COL11A1: variants seen among roughly 807,000 people sequenced by gnomAD.
The protein encoded by COL11A1 is collagen type XI alpha 1 chain.
COL11A1 carries 74 observed loss-of-function variants against 265.2 expected under a neutral mutation model. The observed-to-expected ratio is 0.28, with a 90% confidence interval of 0.23 to 0.34. The LOEUF is 0.34. Ranked by LOEUF, COL11A1 falls within the 10% of genes least tolerant of loss-of-function variation. The pLI is 1.00. For missense variants in COL11A1, 2,165 were observed against 2,263.6 expected (o/e 0.96, Z 0.88); for synonymous variants, 816 against 727.6 (o/e 1.12, Z -1.96).
intron 46 of COL11A1, among the ~76,000 whole-genome samples, chr1:102,933,583 G>A (rs573276891): frequency 6.6e-6 from 1 of 152,302 alleles, no homozygotes; most frequent in African/African-American, 2.4e-5. Context: ...GCCTACAGAG[G>A]CAGGCAGGCC....
chr1:103,034,003 C>T lies in COL11A1; in HGVS notation c.652-2759G>A, dbSNP rs12076301. ...TTAGATGAAGTCTTTCCCCCTACCC[C>T]CCAGAACTATGAATATGTTACCCTA... On this transcript the variant is annotated intron_variant, in intron 4 of 66. Transcript: ENST00000370096. Among the ~76,000 whole-genome samples the T allele has an allele frequency of 2.0e-3, 309 of 152,146 alleles. 3 individuals are homozygous for T. The highest frequency in any genetic ancestry group is 7.1e-3 in the African/African-American group (295 of 41,536).
intron 4 of COL11A1, among the ~76,000 whole-genome samples, chr1:103,033,026 C>T (rs186641782): frequency 6.6e-6 from 1 of 152,224 alleles, no homozygotes; most frequent in Admixed American, 6.6e-5. Flanking sequence ...GGCAGTCACT[C>T]TCTATCCTTC....
At chr1:103,092,951 A>C (rs1012104236) in intron 1 of COL11A1, among the ~76,000 whole-genome samples, 1 of 152,036 alleles carries the variant, frequency 6.6e-6, no homozygotes, top group African/African-American at 2.4e-5. Context: ...TGAGTCCAGC[A>C]TAAGGATCAT....
intron 4 of COL11A1, among the ~76,000 whole-genome samples, chr1:103,069,146 AC>A (rs1479214492): frequency 6.6e-6 from 1 of 151,776 alleles, no homozygotes; most frequent in Non-Finnish European, 1.5e-5. Flanking sequence ...AGGAGTATTT[AC>A]CCACATGATT....
chr1:102,914,412 T>C lies in COL11A1; in HGVS notation c.3925-7A>G. 7 of 1,603,180 alleles carry C rather than the reference T, an allele frequency of 4.4e-6. No homozygotes were observed. The highest frequency in any genetic ancestry group is 6.0e-6 in the Non-Finnish European group (7 of 1,173,618). On this transcript the variant is annotated splice_polypyrimidine_tract_variant and splice_region_variant and intron_variant, in intron 51 of 66. Transcript: ENST00000370096. ...CAGGAAAACCAACAGGACCCTAGAATGACGTTTTGAAAGAAAAAGAAATAA... is the reference window on the plus strand; with the variant it reads ...CAGGAAAACCAACAGGACCCTAGAACGACGTTTTGAAAGAAAAAGAAATAA...
At chr1:103,018,755 T>G in intron 10 of COL11A1, 63 bp downstream of exon 10, 1 of 1,234,678 alleles carries the variant, frequency 8.1e-7, no homozygotes, top group Non-Finnish European at 1.2e-6. Flanking sequence ...ATTCAGTAAT[T>G]AATAGAAATC....
rs1460230830 is a variant in COL11A1 at position 102,879,849 on chromosome 1, G to C, written c.5108C>G (p.Thr1703Ser). 1 of 1,613,926 alleles carries C rather than the reference G, an allele frequency of 6.2e-7. No individual in the cohort carries two copies. Among genetic ancestry groups the C allele is most frequent in the East Asian group, 2.2e-5 (1 of 44,862 alleles). The change falls in exon 66 of 67, where the codon ACT (threonine) becomes AGT (serine). Residue 1703 changes from threonine to serine, a missense_variant. Physicochemically the swap from Thr to Ser is moderately conservative, Grantham distance 58. Transcript: ENST00000370096. The stretch of plus-strand genomic sequence containing the variant: ...GGTGAAATTTTGCCGAGCAGAGGCA[G>C]TCAGAAGTTTCAGGAATGTCATTTG... ...MVQMTFLKLL[T>S]ASARQNFTYH...
chr1:103,099,379 A>G (rs1029196215), intron 1 of COL11A1, among the ~76,000 whole-genome samples: 1 of 151,092 alleles, frequency 6.6e-6, no homozygotes, highest in Non-Finnish European at 1.5e-5. Context: ...TCTAACTTGA[A>G]GAATGAGTTT....
chr1:103,049,559 C>A (rs992052517), intron 4 of COL11A1, among the ~76,000 whole-genome samples: 5 of 152,146 alleles, frequency 3.3e-5, no homozygotes, highest in African/African-American at 4.8e-5. Flanking sequence ...ATCCAATTTG[C>A]CAGTCTGTGT....
At chr1:103,058,444 A>T (rs1208557535) in intron 4 of COL11A1, among the ~76,000 whole-genome samples, 2 of 152,172 alleles carry the variant, frequency 1.3e-5, no homozygotes, top group East Asian at 3.9e-4. Flanking sequence ...TTTCTTTAAA[A>T]ATATTTTCCT....
intron 1 of COL11A1, among the ~76,000 whole-genome samples, chr1:103,099,517 T>A (rs1303637598): frequency 1.3e-5 from 2 of 150,716 alleles, no homozygotes. Context: ...TAATAGCTAA[T>A]AAGCAAAGTC....
chr1:103,048,239 T>G (rs975890604), intron 4 of COL11A1, among the ~76,000 whole-genome samples: 2 of 152,144 alleles, frequency 1.3e-5, no homozygotes, highest in Non-Finnish European at 2.9e-5. Context: ...GTCCTGGACT[T>G]TTTTTGGTTG....
intron 9 of COL11A1, among the ~76,000 whole-genome samples, chr1:103,019,172 T>C (rs559366093): frequency 2.0e-5 from 3 of 152,298 alleles, no homozygotes; most frequent in Admixed American, 6.5e-5. Flanking sequence ...CCAAGGTTTT[T>C]TATTTTTTGT....
chr1:102,929,052 T>C (rs1401880723), intron 46 of COL11A1, among the ~76,000 whole-genome samples: 2 of 145,606 alleles, frequency 1.4e-5, no homozygotes, highest in East Asian at 4.0e-4. Flanking sequence ...GCCTGTTCAC[T>C]CTGACGGTAG....
intron 41 of COL11A1, among the ~76,000 whole-genome samples, chr1:102,959,551 TC>T (rs1660692797): frequency 6.6e-6 from 1 of 152,184 alleles, no homozygotes; most frequent in Non-Finnish European, 1.5e-5. Context: ...AGGCATTTAA[TC>T]ACCAACCAAC....
Position 102,965,549 on chromosome 1 carries a change from G to C in COL11A1, c.2863-9C>G. On this transcript the variant is annotated splice_polypyrimidine_tract_variant and intron_variant, in intron 37 of 66. Transcript: ENST00000370096. ...GTCTTGCCTTGAAATCCCTAAGGAGGCAAAGTATTATTTGTAAAAGCTACA... is the reference window on the plus strand; with the variant it reads ...GTCTTGCCTTGAAATCCCTAAGGAGCCAAAGTATTATTTGTAAAAGCTACA... 6.2e-7 allele frequency: 1 copy of C among 1,612,448 alleles called. No homozygotes were observed. The highest frequency in any genetic ancestry group is 8.5e-7 in the Non-Finnish European group (1 of 1,178,692).
chr1:103,051,409 C>T lies in COL11A1; in HGVS notation c.652-20165G>A, dbSNP rs548526708. 1.3e-3 allele frequency among the ~76,000 whole-genome samples: 203 copies of T among 152,284 alleles called. 1 individual carries two copies. The highest frequency in any genetic ancestry group is 4.6e-3 in the African/African-American group (190 of 41,564). On this transcript the variant is annotated intron_variant, in intron 4 of 66. Coordinates refer to ENST00000370096, the MANE Select transcript of COL11A1 (RefSeq NM_001854.4). ...CACGTAGGACCCTCTGAGCCATGTGCGGGATATAATCTCCTGGTGTGCCAT... is the reference window on the plus strand; with the variant it reads ...CACGTAGGACCCTCTGAGCCATGTGTGGGATATAATCTCCTGGTGTGCCAT...
Position 102,961,939 on chromosome 1 carries a change from T to C in COL11A1, c.3115-20A>G, listed in dbSNP as rs1553218201. On this transcript the variant is annotated intron_variant, in intron 40 of 66. Transcript: ENST00000370096. ...TGCACCCTGGGAAAAGTGAAAAAAA[T>C]AAAGAAAATGAATCCATATGAATTG... 1.2e-6 allele frequency: 2 copies of C among 1,608,492 alleles called. No homozygotes were observed. The highest frequency in any genetic ancestry group is 3.4e-5 in the Admixed American group (2 of 59,466).
Position 103,022,760 on chromosome 1 carries a change from A to C in COL11A1, c.1227T>G (p.Thr409=). ...AACTTACGCTTGTTTCTGTAATATC[A>C]GTTTCTGCTGGTACACCTGGACCAA... The part of the protein sequence containing the change: ...EEFGPGVPAE[T]DITETSINGH... Residue 409 remains threonine (T), a synonymous_variant, in exon 8 of 67, where the codon ACT becomes ACG. Coordinates refer to ENST00000370096, the MANE Select transcript of COL11A1 (RefSeq NM_001854.4). The C allele has an allele frequency of 6.2e-7, 1 of 1,613,650 alleles. No individual in the cohort carries two copies. Among genetic ancestry groups the C allele is most frequent in the Non-Finnish European group, 8.5e-7 (1 of 1,179,952 alleles).
Sources: gnomAD v4.1 joint callset for allele counts (sites outside exome capture counted in the v4.1 genomes callset) on GRCh38, gnomAD v4.1.1 for gene constraint, MANE v1.5 for transcripts, NCBI Gene and HGNC (gene_info 2026-07-23, HGNC 2026-07-21) for gene names.